PTGFRN: variants seen among roughly 807,000 people sequenced by gnomAD.
PTGFRN encodes prostaglandin F2 receptor negative regulator.
Under a neutral mutation model 83.2 loss-of-function variants are expected in PTGFRN, and 35 were observed. The ratio of observed to expected loss-of-function variants is 0.42; its 90% CI spans 0.32 to 0.56. The LOEUF is 0.56. Among genes scored for constraint, PTGFRN ranks in the 20% least tolerant of loss-of-function variants. The pLI is 0.11. For missense variants in PTGFRN, 1,051 were observed against 1,179.5 expected, an observed-to-expected ratio of 0.89 and a Z score of 1.60; for synonymous variants, 519 against 498.6, an observed-to-expected ratio of 1.04 and a Z score of -0.55.
chr1:116,943,437 C>T (rs1650108797), intron 2 of PTGFRN, among the ~76,000 whole-genome samples: 1 of 152,196 alleles, frequency 6.6e-6, no homozygotes, highest in South Asian at 2.1e-4. Context: ...CCACTTCCTC[C>T]AGTATCTTTC....
At chr1:116,940,658 T>A (rs959517974) in intron 1 of PTGFRN, among the ~76,000 whole-genome samples, 1 of 152,188 alleles carries the variant, frequency 6.6e-6, no homozygotes, top group African/African-American at 2.4e-5. Context: ...CACCTAGACA[T>A]TTTATTTCAT....
At chr1:116,913,535 T>A (rs1485538457) in intron 1 of PTGFRN, among the ~76,000 whole-genome samples, 1 of 152,026 alleles carries the variant, frequency 6.6e-6, no homozygotes, top group African/African-American at 2.4e-5. Context: ...GAGGGGTAGA[T>A]TTGTTGGTGC....
At chr1:116,960,471 CCGTGG>C (rs777626351) in intron 4 of PTGFRN, among the ~76,000 whole-genome samples, 3 of 152,090 alleles carry the variant, frequency 2.0e-5, no homozygotes, top group Non-Finnish European at 2.9e-5. Flanking sequence ...GGAAACAGGA[CCGTGG>C]CAGAGGCAAG....
intron 2 of PTGFRN, among the ~76,000 whole-genome samples, chr1:116,944,337 G>A (rs1006404381): frequency 2.0e-5 from 3 of 152,202 alleles, no homozygotes; most frequent in Non-Finnish European, 2.9e-5. Context: ...ACTCTATGAC[G>A]AAGGTCCAGT....
Position 116,986,805 on chromosome 1 carries a change from G to C in PTGFRN, c.2478G>C (p.Leu826=). Reference sequence around the variant, plus strand: ...CCTTTGATCTCTCCCTCCCAGTGCTGAACGCCTTCAAGTATCCCTTGCTGA... The same window carrying C: ...CCTTTGATCTCTCCCTCCCAGTGCTCAACGCCTTCAAGTATCCCTTGCTGA... ...PVFITVKMDV[L]NAFKYPLLIG... Residue 826 remains leucine, a synonymous_variant, in exon 9 of 9, where the codon CTG becomes CTC. Transcript: ENST00000393203. 6.2e-7 allele frequency: 1 copy of C among 1,614,006 alleles called. No homozygotes were observed. Among genetic ancestry groups the C allele is most frequent in the South Asian group, 1.1e-5 (1 of 91,080 alleles).
At chr1:116,935,372 C>T (rs1281914354) in intron 1 of PTGFRN, among the ~76,000 whole-genome samples, 1 of 152,014 alleles carries the variant, frequency 6.6e-6, no homozygotes, top group Admixed American at 6.6e-5. Flanking sequence ...TTGTTGAGTC[C>T]ACTTCAGTAT....
chr1:116,971,732 G>A (rs1410128918), intron 6 of PTGFRN, among the ~76,000 whole-genome samples: 2 of 152,132 alleles, frequency 1.3e-5, no homozygotes. Flanking sequence ...TGATTCCCAC[G>A]TCCAGTAGGG....
At chr1:116,945,744 CTTTT>C in intron 3 of PTGFRN, among the ~76,000 whole-genome samples, 1 of 130,342 alleles carries the variant, frequency 7.7e-6, no homozygotes, top group African/African-American at 2.8e-5. Context: ...TGTGAATCAG[CTTTT>C]TTTTTTTTTT....
chr1:116,984,544 G>T (rs1192596178), intron 7 of PTGFRN, 136 bp from the exon 8 acceptor site: 13 of 761,888 alleles, frequency 1.7e-5, no homozygotes, highest in Non-Finnish European at 2.7e-5. Context: ...TAGGGCTGTT[G>T]TGAGGATCCA....
At chr1:116,978,198 C>T (rs1651211892) in intron 7 of PTGFRN, among the ~76,000 whole-genome samples, 1 of 152,154 alleles carries the variant, frequency 6.6e-6, no homozygotes, top group Admixed American at 6.5e-5. Context: ...CTGAATAGAC[C>T]AATAACAGGC....
chr1:116,949,583 TG>T lies in PTGFRN; in HGVS notation c.1213+13del. On this transcript the variant is annotated intron_variant, in intron 4 of 8. Transcript: ENST00000393203. ...GTGTGACCTGGCTAGGTGAGTGGTT[TG>T]GAGAATGACTCTTAACCTCTTCAGC... The T allele has an allele frequency of 6.2e-7, 1 of 1,607,640 alleles. No homozygotes were observed. The highest frequency in any genetic ancestry group is 8.5e-7 in the Non-Finnish European group (1 of 1,177,018).
intron 1 of PTGFRN, among the ~76,000 whole-genome samples, chr1:116,911,716 C>T (rs1438889440): frequency 6.6e-6 from 1 of 152,228 alleles, no homozygotes; most frequent in Non-Finnish European, 1.5e-5. Context: ...AACCACAGCT[C>T]ACTGAAGCCT....
At chr1:116,920,569 A>G (rs1291615283) in intron 1 of PTGFRN, among the ~76,000 whole-genome samples, 2 of 152,186 alleles carry the variant, frequency 1.3e-5, no homozygotes, top group Admixed American at 6.5e-5. Context: ...TGAGATGTGT[A>G]TAAATATTGC....
intron 7 of PTGFRN, among the ~76,000 whole-genome samples, chr1:116,982,397 T>A (rs1651344645): frequency 6.6e-6 from 1 of 152,124 alleles, no homozygotes; most frequent in Non-Finnish European, 1.5e-5. Flanking sequence ...AAGTTGTAAT[T>A]TAGTTTTTCC....
Position 116,975,296 on chromosome 1 carries a change from G to A in PTGFRN, c.2167+973G>A, listed in dbSNP as rs568615944. ...CTGCCTCTGTAGACTCCAACTCTGG[G>A]GGCAGGGCATAGCCAAACAAAAGGC... On this transcript the variant is annotated intron_variant, in intron 7 of 8. Coordinates refer to ENST00000393203, the MANE Select transcript of PTGFRN (RefSeq NM_020440.4). 5.9e-5 allele frequency among the ~76,000 whole-genome samples: 9 copies of A among 152,340 alleles called. No individual in the cohort carries two copies. The East Asian group carries it at 1.5e-3, about 26-fold the overall frequency.
intron 1 of PTGFRN, among the ~76,000 whole-genome samples, chr1:116,912,151 G>T (rs1649288872): frequency 6.6e-6 from 1 of 152,238 alleles, no homozygotes; most frequent in African/African-American, 2.4e-5. Flanking sequence ...CAAAATAGAA[G>T]TGGGGAAAGC....
intron 3 of PTGFRN, among the ~76,000 whole-genome samples, chr1:116,946,779 AATT>A: frequency 6.6e-6 from 1 of 152,224 alleles, no homozygotes; most frequent in East Asian, 1.9e-4. Context: ...AAAGGAAAAT[AATT>A]ATATAGAAAT....
At chr1:116,979,167 T>C (rs988921231) in intron 7 of PTGFRN, among the ~76,000 whole-genome samples, 2 of 152,122 alleles carry the variant, frequency 1.3e-5, no homozygotes, top group African/African-American at 4.8e-5. Flanking sequence ...TTACAAGGGA[T>C]GTGAAGGACC....
chr1:116,967,499 G>T (rs558791950), intron 6 of PTGFRN, among the ~76,000 whole-genome samples, 169 bp downstream of exon 6: 116 of 152,288 alleles, frequency 7.6e-4, no homozygotes, highest in African/African-American at 2.7e-3. Context: ...TCACAAAGTT[G>T]TGTGATCATC....
Sources: gnomAD v4.1 joint callset for allele counts (sites outside exome capture counted in the v4.1 genomes callset) on GRCh38, gnomAD v4.1.1 for gene constraint, MANE v1.5 for transcripts, NCBI Gene and HGNC (gene_info 2026-07-23, HGNC 2026-07-21) for gene names.